The following EPHA3 variants were observed in gnomAD, a reference collection of about 807,000 sequenced individuals.
The protein encoded by EPHA3 is ephrin type-A receptor 3.
A neutral mutation model predicts 107.1 loss-of-function variants in EPHA3; 42 were observed. The observed-to-expected ratio is 0.39, with a 90% CI of 0.31 to 0.51. The LOEUF is 0.51. Among genes scored for constraint, EPHA3 ranks in the 20% least tolerant of loss-of-function variants. The pLI, the probability that EPHA3 is intolerant of heterozygous loss-of-function variation, is 0.78. For synonymous variants in EPHA3, 461 were observed against 424.8 expected (o/e 1.09, Z -1.05); for missense variants, 1,183 against 1,211.2 (o/e 0.98, Z 0.35).
intron 2 of EPHA3, among the ~76,000 whole-genome samples, chr3:89,189,817 G>A (rs1452201316): frequency 6.6e-6 from 1 of 151,986 alleles, no homozygotes; most frequent in African/African-American, 2.4e-5. Flanking sequence ...TTAAACAACT[G>A]GTTACTAAGG....
intron 15 of EPHA3, among the ~76,000 whole-genome samples, chr3:89,467,157 A>G (rs1449462283): frequency 2.0e-5 from 3 of 152,210 alleles, no homozygotes; most frequent in Non-Finnish European, 4.4e-5. Flanking sequence ...ATTAAAATAA[A>G]TTGGCAAATA....
At chr3:89,342,644 T>G (rs549010179) in intron 5 of EPHA3, among the ~76,000 whole-genome samples, 2 of 152,254 alleles carry the variant, frequency 1.3e-5, no homozygotes, top group South Asian at 4.1e-4. Flanking sequence ...ATATATTACA[T>G]AGAAATAATG....
chr3:89,427,453 G>A (rs1709481746), intron 11 of EPHA3, among the ~76,000 whole-genome samples: 1 of 151,872 alleles, frequency 6.6e-6, no homozygotes, highest in South Asian at 2.1e-4. Context: ...GTGTTATACA[G>A]TTATGTGTAC....
intron 2 of EPHA3, among the ~76,000 whole-genome samples, chr3:89,202,997 C>A (rs1393437152): frequency 6.6e-6 from 1 of 152,040 alleles, no homozygotes; most frequent in Non-Finnish European, 1.5e-5. Context: ...TAGGCCCTGG[C>A]AAATCTGGAG....
intron 1 of EPHA3, among the ~76,000 whole-genome samples, chr3:89,122,906 T>C (rs1363225638): frequency 6.6e-6 from 1 of 152,160 alleles, no homozygotes; most frequent in Non-Finnish European, 1.5e-5. Flanking sequence ...ACACTACCAA[T>C]ACTAATGAGC....
At chr3:89,402,445 A>G (rs1437244449) in intron 7 of EPHA3, among the ~76,000 whole-genome samples, 16 of 152,092 alleles carry the variant, frequency 1.1e-4, no homozygotes, top group Admixed American at 1.0e-3. Context: ...TCACCATAAT[A>G]TTTCCAGATT....
intron 3 of EPHA3, among the ~76,000 whole-genome samples, chr3:89,232,467 A>C (rs182240317): frequency 6.6e-6 from 1 of 152,152 alleles, no homozygotes; most frequent in Non-Finnish European, 1.5e-5. Context: ...GGAAACAGAA[A>C]GGTGTCAGAG....
At chr3:89,174,484 T>C (rs1163858060) in intron 2 of EPHA3, among the ~76,000 whole-genome samples, 2 of 152,032 alleles carry the variant, frequency 1.3e-5, no homozygotes, top group Admixed American at 6.6e-5. Flanking sequence ...AATCCATTTC[T>C]AAGCAGCATG....
At chr3:89,121,015 GGT>G (rs1476328485) in intron 1 of EPHA3, among the ~76,000 whole-genome samples, 1 of 152,002 alleles carries the variant, frequency 6.6e-6, no homozygotes, top group African/African-American at 2.4e-5. Flanking sequence ...CGAGGCCGGC[GGT>G]TCACGAGGTC....
intron 2 of EPHA3, among the ~76,000 whole-genome samples, chr3:89,130,256 C>T (rs1704177802): frequency 6.6e-6 from 1 of 152,124 alleles, no homozygotes; most frequent in Admixed American, 6.5e-5. Flanking sequence ...AATTGAGAAA[C>T]TCTTACTTAG....
intron 2 of EPHA3, among the ~76,000 whole-genome samples, chr3:89,159,602 G>T (rs370539262): frequency 1.3e-5 from 2 of 152,208 alleles, no homozygotes; most frequent in East Asian, 1.9e-4. Context: ...AATAGTCAAT[G>T]AAACCAATTG....
intron 15 of EPHA3, among the ~76,000 whole-genome samples, chr3:89,467,284 A>G (rs1710302618): frequency 6.6e-6 from 1 of 152,214 alleles, no homozygotes; most frequent in East Asian, 1.9e-4. Context: ...AGATACAATT[A>G]TTAGTATTTT....
At chr3:89,398,987 G>A (rs941936866) in intron 6 of EPHA3, among the ~76,000 whole-genome samples, 2 of 151,972 alleles carry the variant, frequency 1.3e-5, no homozygotes, top group Non-Finnish European at 2.9e-5. Context: ...AAAATTACCT[G>A]GGAGTGATGG....
intron 3 of EPHA3, among the ~76,000 whole-genome samples, chr3:89,309,435 GT>G (rs1706713343): frequency 6.6e-6 from 1 of 152,098 alleles, no homozygotes; most frequent in Non-Finnish European, 1.5e-5. Flanking sequence ...TGTCTAACAT[GT>G]GAGAAGTAGA....
At chr3:89,180,741 A>G (rs1230882149) in intron 2 of EPHA3, among the ~76,000 whole-genome samples, 1 of 151,852 alleles carries the variant, frequency 6.6e-6, no homozygotes, top group African/African-American at 2.4e-5. Flanking sequence ...TTTTTTAAGG[A>G]AAAAAATAGA....
intron 3 of EPHA3, among the ~76,000 whole-genome samples, chr3:89,281,519 G>T (rs1705947890): frequency 6.6e-6 from 1 of 152,036 alleles, no homozygotes. Context: ...ATTAACCAAA[G>T]ATGCATTATG....
At chr3:89,170,082 A>G (rs1705177232) in intron 2 of EPHA3, among the ~76,000 whole-genome samples, 1 of 151,944 alleles carries the variant, frequency 6.6e-6, no homozygotes, top group Admixed American at 6.6e-5. Flanking sequence ...TCCCGTCTCT[A>G]CTAAAACTAT....
At chr3:89,198,783 C>T (rs1477367745) in intron 2 of EPHA3, among the ~76,000 whole-genome samples, 1 of 152,150 alleles carries the variant, frequency 6.6e-6, no homozygotes, top group East Asian at 1.9e-4. Context: ...GTGGCTGTGA[C>T]CCATTATCAT....
chr3:89,386,678 A>G (rs1395277489), intron 5 of EPHA3, among the ~76,000 whole-genome samples: 1 of 152,156 alleles, frequency 6.6e-6, no homozygotes. Context: ...TAGACCCCAG[A>G]ATGGTGGATC....
Sources: allele counts gnomAD v4.1 joint callset (sites outside exome capture counted in the v4.1 genomes callset), GRCh38; gene constraint gnomAD v4.1.1; transcripts MANE v1.5; gene names NCBI Gene and HGNC (gene_info 2026-07-23, HGNC 2026-07-21).